Variants in HDAC9 observed in about 807,000 individuals in gnomAD.
The protein encoded by HDAC9 is histone deacetylase 9, also known as MEF-2 interacting transcription repressor (MITR) protein.
HDAC9 carries 41 observed loss-of-function variants against 139.4 expected under a neutral mutation model. The observed-to-expected ratio is 0.29, with a 90% CI of 0.23 to 0.38. The LOEUF (loss-of-function observed/expected upper bound fraction) is 0.38, where lower values mean the gene tolerates loss of function less well. Among genes scored for constraint, HDAC9 ranks in the 10% least tolerant of loss-of-function variants. HDAC9 has a pLI of 1.00. For missense variants in HDAC9, 1,147 were observed against 1,297.0 expected (o/e 0.88, Z 1.78); for synonymous variants, 517 against 476.2 (o/e 1.09, Z -1.12).
chr7:18,224,529 C>CT (rs1469885425), intron 2 of HDAC9, among the ~76,000 whole-genome samples: 3 of 152,136 alleles, frequency 2.0e-5, no homozygotes, highest in Non-Finnish European at 4.4e-5. Context: ...GGTTTGTTCC[C>CT]TGCCCTGCCA....
intron 2 of HDAC9, among the ~76,000 whole-genome samples, chr7:18,529,356 T>C (rs1390867081): frequency 1.6e-4 from 24 of 152,108 alleles, no homozygotes; most frequent in Admixed American, 1.6e-3. Flanking sequence ...TCAAAAGTGG[T>C]AGGAAAGCAG....
intron 14 of HDAC9, among the ~76,000 whole-genome samples, chr7:18,755,918 C>A (rs1008152964): frequency 2.0e-5 from 3 of 152,108 alleles, no homozygotes; most frequent in African/African-American, 7.2e-5. Context: ...ACCTTCCGTC[C>A]ACCAATATTT....
At chr7:18,979,060 G>T (rs1784733516) in intron 25 of HDAC9, among the ~76,000 whole-genome samples, 1 of 151,950 alleles carries the variant, frequency 6.6e-6, no homozygotes, top group Non-Finnish European at 1.5e-5. Context: ...CAGAATAGTT[G>T]TCTCTTTAAT....
At chr7:18,778,401 A>G (rs914323563) in intron 16 of HDAC9, among the ~76,000 whole-genome samples, 2 of 152,000 alleles carry the variant, frequency 1.3e-5, no homozygotes, top group African/African-American at 4.8e-5. Context: ...AGAGAATCTC[A>G]TTTCACACAC....
intron 22 of HDAC9, among the ~76,000 whole-genome samples, chr7:18,911,816 C>T (rs2129289663): frequency 1.3e-5 from 2 of 151,936 alleles, no homozygotes; most frequent in South Asian, 4.1e-4. Flanking sequence ...CAAAATTCCT[C>T]TTGTTATTGA....
intron 1 of HDAC9, among the ~76,000 whole-genome samples, chr7:18,374,092 A>G (rs1195689785): frequency 6.6e-6 from 1 of 151,876 alleles, no homozygotes; most frequent in Non-Finnish European, 1.5e-5. Context: ...AAAAATGCTT[A>G]TTCACTAAAT....
chr7:18,956,771 C>T (rs944008605), intron 24 of HDAC9, among the ~76,000 whole-genome samples: 9 of 152,058 alleles, frequency 5.9e-5, no homozygotes, highest in Admixed American at 1.3e-4. Flanking sequence ...GCAGTCAACC[C>T]ACTTGACAGT....
At chr7:18,208,672 G>T in intron 2 of HDAC9, among the ~76,000 whole-genome samples, 1 of 151,768 alleles carries the variant, frequency 6.6e-6, no homozygotes, top group Non-Finnish European at 1.5e-5. Context: ...CACTGCACCC[G>T]GCCTGTAATA....
intron 16 of HDAC9, among the ~76,000 whole-genome samples, chr7:18,790,529 T>G (rs764837586): frequency 9.9e-5 from 15 of 152,146 alleles, no homozygotes; most frequent in Non-Finnish European, 2.2e-4. Flanking sequence ...GAAATAAAAT[T>G]TCTTTTGTTT....
chr7:18,374,652 A>G (rs1263453399), intron 1 of HDAC9, among the ~76,000 whole-genome samples: 2 of 152,062 alleles, frequency 1.3e-5, no homozygotes, highest in Non-Finnish European at 2.9e-5. Context: ...GGACCACTGT[A>G]TATGTGTTCA....
intron 21 of HDAC9, among the ~76,000 whole-genome samples, chr7:18,857,811 A>G (rs993825006): frequency 6.6e-6 from 1 of 152,124 alleles, no homozygotes; most frequent in Non-Finnish European, 1.5e-5. Flanking sequence ...CAAACTTGAC[A>G]AAGTTGGGTT....
intron 24 of HDAC9, among the ~76,000 whole-genome samples, chr7:18,972,897 AG>A (rs1337090162): frequency 6.6e-6 from 1 of 152,240 alleles, no homozygotes; most frequent in Non-Finnish European, 1.5e-5. Flanking sequence ...TTAAAGTACA[AG>A]GGTAATGTAT....
chr7:18,854,693 A>G (rs1797547168), intron 21 of HDAC9, among the ~76,000 whole-genome samples: 2 of 152,130 alleles, frequency 1.3e-5, no homozygotes, highest in Non-Finnish European at 2.9e-5. Flanking sequence ...AGAAAAGTAT[A>G]AAAAGTCTAA....
At chr7:18,829,573 A>T (rs377260954) in intron 19 of HDAC9, 25 bp downstream of exon 19, 2 of 1,384,360 alleles carry the variant, frequency 1.4e-6, no homozygotes, top group Admixed American at 3.6e-5. Context: ...CCAGAGCTGC[A>T]TTTTCAGTGA....
rs541605957 is a variant in HDAC9 at position 18,185,622 on chromosome 7, C to CT, written c.25+23281dup. Among the ~76,000 whole-genome samples, 600 of 152,034 alleles carry CT rather than the reference C, an allele frequency of 3.9e-3. 3 individuals are homozygous for CT. The highest frequency in any genetic ancestry group is 8.4e-3 in the African/African-American group (350 of 41,458). On this transcript the variant is annotated intron_variant, in intron 2 of 12. Coordinates refer to the HDAC9 transcript ENST00000417496. The stretch of plus-strand genomic sequence containing the variant: ...CATATCTATACTTTTTAAAAAGCCC[C>CT]TTTTTTTTCTCTTTGTATTTAAACT...
At chr7:18,121,668 A>G (rs573509756) in intron 1 of HDAC9, among the ~76,000 whole-genome samples, 1 of 152,208 alleles carries the variant, frequency 6.6e-6, no homozygotes, top group African/African-American at 2.4e-5. Flanking sequence ...GTGGCAGTCA[A>G]GTTAACCGAA....
At chr7:18,732,606 C>CGT (rs1786201389) in intron 13 of HDAC9, among the ~76,000 whole-genome samples, 2 of 132,298 alleles carry the variant, frequency 1.5e-5, no homozygotes, top group African/African-American at 6.4e-5. Context: ...TATATGTGTG[C>CGT]ATATGTGTAT....
chr7:18,303,603 A>G (rs766122356), intron 1 of HDAC9, among the ~76,000 whole-genome samples: 3 of 152,258 alleles, frequency 2.0e-5, no homozygotes, highest in South Asian at 2.1e-4. Flanking sequence ...CCATGGTAAG[A>G]TTATTAGCTG....
chr7:18,948,055 A>G (rs1276633684), intron 23 of HDAC9, among the ~76,000 whole-genome samples: 1 of 152,048 alleles, frequency 6.6e-6, no homozygotes, highest in East Asian at 1.9e-4. Flanking sequence ...ACAAATAGAA[A>G]TAAAAAATGT....
Sources: gnomAD v4.1 joint callset for allele counts (sites outside exome capture counted in the v4.1 genomes callset) on GRCh38, gnomAD v4.1.1 for gene constraint, MANE v1.5 for transcripts, NCBI Gene and HGNC (gene_info 2026-07-23, HGNC 2026-07-21) for gene names.